Variants in HHIPL2 observed in about 807,000 individuals in gnomAD.
HHIPL2 encodes the protein HHIP-like protein 2.
A neutral mutation model predicts 61.0 loss-of-function variants in HHIPL2; 61 were observed. The observed-to-expected ratio is 1.00, with a 90% CI of 0.81 to 1.24. The LOEUF is 1.24. HHIPL2 is among the 50% of genes most tolerant of loss of function. HHIPL2 has a pLI of 0.00. For synonymous variants in HHIPL2, 343 were observed against 357.4 expected (o/e 0.96, Z 0.45); for missense variants, 885 against 910.2 (o/e 0.97, Z 0.36).
chr1:222,540,408 G>A (rs3828079), intron 3 of HHIPL2, 67 bp from the exon 4 acceptor site: 531,444 of 1,304,322 alleles, frequency 0.41, 113,783 homozygotes, highest in African/African-American at 0.7. Context: ...GGAAGAGATC[G>A]CCCAGAAGGG....
intron 2 of HHIPL2, 80 bp from the exon 3 acceptor site, chr1:222,542,235 T>C (rs1571776457): frequency 6.6e-7 from 1 of 1,519,590 alleles, no homozygotes; most frequent in Non-Finnish European, 8.8e-7. Flanking sequence ...CAGAAATGAC[T>C]GGGCCAAGCC....
rs1298138338 is a variant in HHIPL2 at position 222,532,109 on chromosome 1, C to T, written c.1580G>A (p.Arg527Gln). The T allele has an allele frequency of 7.5e-6, 12 of 1,609,806 alleles. No individual in the cohort carries two copies. The highest frequency in any genetic ancestry group is 5.1e-5 in the Admixed American group (3 of 59,072). ...TCTATCTTCCTGCAAAGCCATAAGT[C>T]GACTAGACAAAAAATAAACCCTTAT... Reference protein sequence around the residue: ...LYIFGDFMSGRLMALQEDRKN... With the variant: ...LYIFGDFMSGQLMALQEDRKN... The change falls in exon 6 of 9, where the codon CGA becomes CAA. Residue 527 changes from arginine (R) to glutamine (Q), a missense_variant and splice_region_variant. Coordinates refer to ENST00000343410, the MANE Select transcript of HHIPL2 (RefSeq NM_024746.4).
intron 3 of HHIPL2, among the ~76,000 whole-genome samples, chr1:222,540,929 G>C (rs1659418374): frequency 6.6e-6 from 1 of 152,172 alleles, no homozygotes; most frequent in Non-Finnish European, 1.5e-5. Flanking sequence ...ATGATAATCA[G>C]AGGCTGCTAT....
chr1:222,535,795 C>A (rs1390740137), intron 5 of HHIPL2, among the ~76,000 whole-genome samples: 2 of 152,036 alleles, frequency 1.3e-5, no homozygotes, highest in Non-Finnish European at 2.9e-5. Context: ...AAGTCATATA[C>A]AATATGTTCT....
chr1:222,533,548 T>C (rs559109138), intron 5 of HHIPL2, among the ~76,000 whole-genome samples: 1 of 152,244 alleles, frequency 6.6e-6, no homozygotes, highest in Admixed American at 6.5e-5. Flanking sequence ...CTTTACCCCA[T>C]CTCTGTAACT....
At chr1:222,541,370 T>C (rs1366825551) in intron 3 of HHIPL2, among the ~76,000 whole-genome samples, 1 of 152,184 alleles carries the variant, frequency 6.6e-6, no homozygotes, top group Non-Finnish European at 1.5e-5. Context: ...TTCCACTTAC[T>C]CATTGTACGA....
At chr1:222,528,239 CTCGAGATATTTAT>C (rs1437647541) in intron 6 of HHIPL2, among the ~76,000 whole-genome samples, 1 of 152,208 alleles carries the variant, frequency 6.6e-6, no homozygotes, top group Non-Finnish European at 1.5e-5. Flanking sequence ...CTGCACAGCC[CTCGAGATATTTAT>C]TCATTTGTAA....
chr1:222,539,915 G>T, intron 4 of HHIPL2, 95 bp downstream of exon 4: 1 of 1,029,260 alleles, frequency 9.7e-7, no homozygotes, highest in South Asian at 1.5e-5. Context: ...TGATTTAAAT[G>T]ACCTGCAGGG....
intron 6 of HHIPL2, among the ~76,000 whole-genome samples, chr1:222,530,920 A>G (rs1216837723): frequency 1.1e-4 from 16 of 152,216 alleles, no homozygotes; most frequent in Admixed American, 1.0e-3. Flanking sequence ...CTGTCCTCAC[A>G]TAAAAAAAGA....
intron 3 of HHIPL2, among the ~76,000 whole-genome samples, chr1:222,541,267 G>A (rs1016981457): frequency 2.0e-5 from 3 of 152,098 alleles, no homozygotes; most frequent in African/African-American, 7.2e-5. Context: ...TGCTTACTGG[G>A]TGCAAAGGGC....
chr1:222,529,845 C>T (rs1249465748), intron 6 of HHIPL2, among the ~76,000 whole-genome samples: 1 of 152,084 alleles, frequency 6.6e-6, no homozygotes, highest in East Asian at 1.9e-4. Context: ...GAAGTGCAGC[C>T]ATAGGTGAGG....
At position 222,523,764 on chromosome 1, in the gene HHIPL2, G is replaced by C. The variant is rs927839142; in HGVS notation, c.1806-70C>G. On this transcript the variant is annotated intron_variant, in intron 7 of 8. Coordinates refer to ENST00000343410, the MANE Select transcript of HHIPL2 (RefSeq NM_024746.4). ...TGCAACCGGAAAATCAAGGTTACCA[G>C]AGGGCGTATATTTGCAAGAATTGGG... The C allele has an allele frequency of 2.1e-6, 3 of 1,453,966 alleles. No homozygotes were observed. The African/African-American group carries it at 4.2e-5, about 20-fold the overall frequency. 90.1% of individuals were successfully genotyped at this position (1,453,966 alleles called of 1,614,324 possible).
At chr1:222,546,941 C>G (rs1659568029) in intron 1 of HHIPL2, among the ~76,000 whole-genome samples, 1 of 152,196 alleles carries the variant, frequency 6.6e-6, no homozygotes, top group South Asian at 2.1e-4. Flanking sequence ...TGCCTCTCCT[C>G]CCCAACATCA....
chr1:222,547,181 ATC>A (rs1659572361), intron 1 of HHIPL2, among the ~76,000 whole-genome samples: 1 of 152,206 alleles, frequency 6.6e-6, no homozygotes, highest in Non-Finnish European at 1.5e-5. Context: ...AGCAGCTTGC[ATC>A]TCTCTCTTCC....
intron 5 of HHIPL2, among the ~76,000 whole-genome samples, chr1:222,532,712 C>T (rs1185901759): frequency 3.3e-5 from 5 of 152,004 alleles, no homozygotes; most frequent in Non-Finnish European, 5.9e-5. Context: ...GGTAGTTGCC[C>T]AATATCTCTA....
Position 222,522,811 on chromosome 1 carries a change from G to A in HHIPL2, c.1965C>T (p.Gly655=), listed in dbSNP as rs1398373076. ...CTTTCTCAGACAAACCCTGGGCTGG[G>A]CCAGAAGCTAAGGTTGCACTGGAAG... The part of the protein sequence containing the change: ...RKSSSATLAS[G]PAQGLSEKGS... Residue 655 remains glycine, a synonymous_variant, in exon 9 of 9, where the codon GGC becomes GGT. Transcript: ENST00000343410. The A allele has an allele frequency of 3.1e-6, 5 of 1,614,180 alleles. No homozygotes were observed. Among genetic ancestry groups the A allele is most frequent in the Middle Eastern group, 1.6e-4 (1 of 6,062 alleles).
At chr1:222,525,294 C>G (rs1165460367) in intron 7 of HHIPL2, 1 of 152,176 alleles carries the variant, frequency 6.6e-6, no homozygotes, top group Non-Finnish European at 1.5e-5. Flanking sequence ...AAGGCATCGT[C>G]AACCATCAGA....
chr1:222,523,744 C>G (rs751137852), intron 7 of HHIPL2, 50 bp from the exon 8 acceptor site: 2 of 1,583,688 alleles, frequency 1.3e-6, no homozygotes, highest in Admixed American at 3.3e-5. Context: ...GAAGATGCAA[C>G]CGGAAAATCA....
chr1:222,542,037 CA>C lies in HHIPL2; in HGVS notation c.1092del (p.Phe364LeufsTer18). 1 of 1,613,756 alleles carries C rather than the reference CA, an allele frequency of 6.2e-7. No individual in the cohort carries two copies. The highest frequency in any genetic ancestry group is 2.2e-5 in the East Asian group (1 of 44,834). Reference protein sequence around the residue: ...TGDGGQAGDPFGLFGNAQNKS... With the variant: ...TGDGGQAGDPXGLFGNAQNKS... Reference sequence around the variant, plus strand: ...TTGTTCTGAGCATTTCCAAACAGGCCAAAGGGATCTCCAGCCTGTCCCCCGT... The same window carrying C: ...TTGTTCTGAGCATTTCCAAACAGGCCAAGGGATCTCCAGCCTGTCCCCCGT... On this transcript the variant is annotated frameshift_variant, in exon 3 of 9. Coordinates refer to ENST00000343410, the MANE Select transcript of HHIPL2 (RefSeq NM_024746.4). LOFTEE classifies it high-confidence loss of function.
Sources: allele counts gnomAD v4.1 joint callset (sites outside exome capture counted in the v4.1 genomes callset), GRCh38; gene constraint gnomAD v4.1.1; transcripts MANE v1.5; gene names NCBI Gene and HGNC (gene_info 2026-07-23, HGNC 2026-07-21).